FAM13A: variants seen among roughly 807,000 people sequenced by gnomAD.
FAM13A encodes the protein family with sequence similarity 13 member A, also known as protein FAM13A.
FAM13A carries 76 observed loss-of-function variants against 129.6 expected under a neutral mutation model. That is an observed-to-expected ratio of 0.59 (90% CI 0.49 to 0.71). FAM13A has a LOEUF of 0.71. FAM13A is among the 30% of genes least tolerant of loss of function. The probability of loss-of-function intolerance (pLI) is 0.00; values close to 1 mark genes in which losing one functional copy is unlikely to be tolerated. For synonymous variants in FAM13A, 443 were observed against 449.9 expected (o/e 0.98, Z 0.20); for missense variants, 1,108 against 1,249.3 (o/e 0.89, Z 1.70).
intron 1 of FAM13A, among the ~76,000 whole-genome samples, chr4:89,033,504 A>C (rs1439874948): frequency 6.6e-6 from 1 of 152,224 alleles, no homozygotes; most frequent in Non-Finnish European, 1.5e-5. Flanking sequence ...CTCCAACTAG[A>C]TAGTGGTGAG....
intron 6 of FAM13A, among the ~76,000 whole-genome samples, chr4:88,873,282 C>G (rs1354494892): frequency 2.0e-5 from 3 of 152,012 alleles, no homozygotes; most frequent in African/African-American, 7.2e-5. Context: ...CAAGAAATAA[C>G]TAAAATCAGA....
chr4:88,873,323 A>T (rs1487934596), intron 6 of FAM13A, among the ~76,000 whole-genome samples: 5 of 152,228 alleles, frequency 3.3e-5, no homozygotes, highest in Non-Finnish European at 7.3e-5. Flanking sequence ...GACACAAAAA[A>T]ACCCTTCAAA....
intron 14 of FAM13A, among the ~76,000 whole-genome samples, chr4:88,751,871 T>C (rs1332456419): frequency 6.6e-6 from 1 of 152,262 alleles, no homozygotes; most frequent in Non-Finnish European, 1.5e-5. Flanking sequence ...AGAATTTGGC[T>C]ATGATCTTAA....
At chr4:89,022,492 T>C (rs919954305) in intron 2 of FAM13A, among the ~76,000 whole-genome samples, 1 of 152,148 alleles carries the variant, frequency 6.6e-6, no homozygotes, top group Admixed American at 6.5e-5. Context: ...AGGGATGATA[T>C]TAAAAGTATT....
chr4:88,975,378 T>C (rs1236478800), intron 4 of FAM13A, among the ~76,000 whole-genome samples: 1 of 152,204 alleles, frequency 6.6e-6, no homozygotes, highest in Non-Finnish European at 1.5e-5. Flanking sequence ...ATGTTGGGAA[T>C]AAAAATTTGC....
At chr4:88,896,829 A>G (rs1466862561) in intron 6 of FAM13A, among the ~76,000 whole-genome samples, 1 of 152,242 alleles carries the variant, frequency 6.6e-6, no homozygotes, top group African/African-American at 2.4e-5. Context: ...AATTTTTATC[A>G]GTACATTTTG....
At chr4:88,789,779 T>C (rs1050404416) in intron 9 of FAM13A, among the ~76,000 whole-genome samples, 6 of 152,114 alleles carry the variant, frequency 3.9e-5, no homozygotes, top group African/African-American at 1.4e-4. Flanking sequence ...TAGTTAGGAA[T>C]AGAATCCTGG....
At chr4:88,961,901 C>T (rs1282300903) in intron 4 of FAM13A, among the ~76,000 whole-genome samples, 1 of 151,740 alleles carries the variant, frequency 6.6e-6, no homozygotes, top group Admixed American at 6.6e-5. Context: ...GGTATTTTAT[C>T]AAGCCATGGA....
At chr4:88,945,848 G>A (rs761657163) in intron 4 of FAM13A, among the ~76,000 whole-genome samples, 16 of 122,944 alleles carry the variant, frequency 1.3e-4, no homozygotes, top group South Asian at 2.6e-4. Flanking sequence ...GTGTGTGTGT[G>A]TATATATATA....
At position 88,965,102 on chromosome 4, in the gene FAM13A, A is replaced by C. The variant is rs141234142; in HGVS notation, c.605+25871T>G. Among the ~76,000 whole-genome samples the C allele has an allele frequency of 2.6e-3, 395 of 152,332 alleles. 5 individuals are homozygous for C. The highest frequency in any genetic ancestry group is 9.0e-3 in the African/African-American group (376 of 41,562). ...TTTTATAATTGAACAGGCAAGACTA[A>C]GGCAAGACCTTACCAAATATGATAA... is the stretch of plus-strand genomic sequence containing the variant. On this transcript the variant is annotated intron_variant, in intron 4 of 23. Coordinates refer to ENST00000264344, the MANE Select transcript of FAM13A (RefSeq NM_014883.4).
At chr4:88,882,266 A>C (rs1481444577) in intron 6 of FAM13A, among the ~76,000 whole-genome samples, 1 of 152,212 alleles carries the variant, frequency 6.6e-6, no homozygotes, top group African/African-American at 2.4e-5. Flanking sequence ...AAAACCTATC[A>C]GATTAACTGC....
chr4:88,882,316 G>C (rs1264933718), intron 6 of FAM13A, among the ~76,000 whole-genome samples: 1 of 152,130 alleles, frequency 6.6e-6, no homozygotes, highest in Non-Finnish European at 1.5e-5. Flanking sequence ...GAAGGGATTG[G>C]GGCTTATCTT....
intron 7 of FAM13A, among the ~76,000 whole-genome samples, chr4:88,807,669 C>A (rs1401964676): frequency 6.6e-6 from 1 of 152,128 alleles, no homozygotes; most frequent in Non-Finnish European, 1.5e-5. Context: ...ACTTGATAAG[C>A]TCCTTGTCAT....
chr4:88,796,281 A>G (rs550063798), intron 8 of FAM13A, among the ~76,000 whole-genome samples: 144 of 152,012 alleles, frequency 9.5e-4, no homozygotes, highest in African/African-American at 3.2e-3. Flanking sequence ...CCCTTACAAG[A>G]GTTTTCATTG....
intron 15 of FAM13A, 80 bp downstream of exon 15, chr4:88,750,344 T>G (rs1742305235): frequency 8.5e-7 from 1 of 1,177,436 alleles, no homozygotes; most frequent in Admixed American, 1.8e-5. Context: ...TAAAAAAAAT[T>G]ATTCACTATC....
At chr4:88,833,542 C>G (rs1025775331) in intron 7 of FAM13A, among the ~76,000 whole-genome samples, 1 of 152,044 alleles carries the variant, frequency 6.6e-6, no homozygotes, top group Non-Finnish European at 1.5e-5. Flanking sequence ...TTTAGATGAT[C>G]TGATTTAAAA....
chr4:88,753,303 C>T (rs893491051), intron 14 of FAM13A, among the ~76,000 whole-genome samples: 6 of 152,158 alleles, frequency 3.9e-5, no homozygotes, highest in Non-Finnish European at 7.3e-5. Flanking sequence ...TTGTGGCTAA[C>T]GGCAGGGCCA....
chr4:89,023,711 C>T (rs1158691543), intron 2 of FAM13A, among the ~76,000 whole-genome samples: 1 of 152,128 alleles, frequency 6.6e-6, no homozygotes. Flanking sequence ...TATCTCCCAC[C>T]CACAACTCTT....
At chr4:89,019,238 T>C (rs932111837) in intron 3 of FAM13A, among the ~76,000 whole-genome samples, 36 of 152,348 alleles carry the variant, frequency 2.4e-4, no homozygotes, top group South Asian at 4.1e-4. Flanking sequence ...TCACTTATCC[T>C]GTTCTTTAGC....
Sources: gnomAD v4.1 joint callset for allele counts (sites outside exome capture counted in the v4.1 genomes callset) on GRCh38, gnomAD v4.1.1 for gene constraint, MANE v1.5 for transcripts, NCBI Gene and HGNC (gene_info 2026-07-23, HGNC 2026-07-21) for gene names.